Variants in CUX2 observed in about 807,000 individuals in gnomAD.
CUX2 encodes homeobox protein cut-like 2.
A neutral mutation model predicts 144.8 loss-of-function variants in CUX2; 40 were observed. The observed-to-expected ratio is 0.28, with a 90% CI of 0.21 to 0.36. The LOEUF (loss-of-function observed/expected upper bound fraction) is 0.36. CUX2 is among the 10% of genes least tolerant of loss of function. The pLI is 1.00. For missense variants in CUX2, 1,615 were observed against 1,994.0 expected (o/e 0.81, Z 3.62); for synonymous variants, 827 against 875.6 (o/e 0.94, Z 0.98).
At chr12:111,218,532 T>A (rs1881677777) in intron 3 of CUX2, among the ~76,000 whole-genome samples, 1 of 152,022 alleles carries the variant, frequency 6.6e-6, no homozygotes, top group African/African-American at 2.4e-5. Context: ...AATAAAAAAA[T>A]AAAATTTAAG....
At chr12:111,298,503 C>T (rs750342664) in intron 8 of CUX2, 38 bp from the exon 9 acceptor site, 12 of 1,551,952 alleles carry the variant, frequency 7.7e-6, no homozygotes, top group African/African-American at 4.1e-5. Flanking sequence ...TGGAGCCCGC[C>T]GGAAGCCCTT....
intron 1 of CUX2, among the ~76,000 whole-genome samples, chr12:111,152,280 G>A (rs1168674048): frequency 1.3e-5 from 2 of 150,572 alleles, no homozygotes; most frequent in African/African-American, 5.0e-5. Flanking sequence ...GCAAGACTCT[G>A]TCTCAAAAAA....
At chr12:111,250,974 G>T (rs1474086126) in intron 3 of CUX2, among the ~76,000 whole-genome samples, 2 of 152,084 alleles carry the variant, frequency 1.3e-5, no homozygotes, top group East Asian at 3.9e-4. Flanking sequence ...AATTGATACT[G>T]CAGCTTTCGG....
intron 3 of CUX2, among the ~76,000 whole-genome samples, chr12:111,252,558 C>T (rs1172057017): frequency 6.6e-6 from 1 of 152,120 alleles, no homozygotes; most frequent in East Asian, 1.9e-4. Flanking sequence ...ACTAGGAGGG[C>T]ATCATTCTCC....
chr12:111,204,670 C>T lies in CUX2; in HGVS notation c.64-9530C>T, dbSNP rs75128862. On this transcript the variant is annotated intron_variant, in intron 1 of 21. Coordinates refer to ENST00000261726, the MANE Select transcript of CUX2 (RefSeq NM_015267.4). ...GGTACCGTGCATCAGATGACACCTG[C>T]ATCCTAAGACCCTTCATTGGCTCCC... Among the ~76,000 whole-genome samples the T allele has an allele frequency of 6.8e-3, 1,039 of 152,330 alleles. 16 individuals carry two copies. Among genetic ancestry groups the T allele is most frequent in the African/African-American group, 0.024 (994 of 41,568 alleles).
At position 111,320,199 on chromosome 12, in the gene CUX2, G is replaced by T. The variant is rs1035470321; in HGVS notation, c.2190G>T (p.Arg730=). ...CGGTGCCCCCCTCGCCCCCGGAGCG[G>T]CCATCACTGGCCACCGCGAGCCAGA... The part of the protein sequence containing the change: ...GRSVPPSPPE[R]PSLATASQNG... The change falls in exon 17 of 22, where the codon CGG becomes CGT. Residue 730 remains arginine (R), a synonymous_variant. Transcript: ENST00000261726. The surrounding 1 kb of genome is among the most constrained non-coding windows in gnomAD (Gnocchi z 8.1). 31 of 1,537,196 alleles carry T rather than the reference G, an allele frequency of 2.0e-5. No individual in the cohort carries two copies. The Admixed American group carries it at 3.8e-4, about 19-fold the overall frequency.
chr12:111,320,326 C>T lies in CUX2; in HGVS notation c.2317C>T (p.Arg773Cys), dbSNP rs868782931. ...SPAAFVQSII[R>C]KVKSEIGDAG... is the part of the protein sequence containing the mutation. ...CGCCGCCTTCGTGCAGAGCATCATC[C>T]GCAAGGTCAAGTCCGAGATCGGCGA... The change falls in exon 17 of 22, where the codon CGC (arginine) becomes TGC (cysteine). Residue 773 changes from arginine (R) to cysteine (C), a missense_variant. By Grantham distance (180) the Arg-to-Cys change is radical (BLOSUM62 -3). Around this residue, in one of 12 missense-constraint regions of CUX2, gnomAD observed 390 missense variants for 387.1 expected, o/e 1.01. Transcript: ENST00000261726. This position sits in a 1 kb window ranked among gnomAD's most constrained non-coding sequence, Gnocchi z 8.1. The T allele has an allele frequency of 3.1e-6, 5 of 1,598,156 alleles. No individual in the cohort carries two copies. Among genetic ancestry groups the T allele is most frequent in the Middle Eastern group, 1.7e-4 (1 of 6,052 alleles).
intron 1 of CUX2, among the ~76,000 whole-genome samples, chr12:111,073,352 G>A (rs1465663102): frequency 6.6e-6 from 1 of 152,106 alleles, no homozygotes; most frequent in Non-Finnish European, 1.5e-5. Context: ...TGTCATTGCT[G>A]TGTAGCATTC....
intron 1 of CUX2, among the ~76,000 whole-genome samples, chr12:111,176,594 T>C (rs1462375893): frequency 6.6e-6 from 1 of 152,188 alleles, no homozygotes. Context: ...CTGGGGACTT[T>C]ATTCAGTGCC....
At chr12:111,081,742 C>T (rs1289820735) in intron 1 of CUX2, among the ~76,000 whole-genome samples, 1 of 152,168 alleles carries the variant, frequency 6.6e-6, no homozygotes. Context: ...TGGTGACCAG[C>T]CACTGTCCAC....
At chr12:111,203,556 A>G (rs953457191) in intron 1 of CUX2, among the ~76,000 whole-genome samples, 5 of 151,522 alleles carry the variant, frequency 3.3e-5, no homozygotes, top group South Asian at 4.2e-4. Flanking sequence ...AAAAAAAAAA[A>G]AAAGAAAAAA....
At chr12:111,169,391 C>T (rs111921649) in intron 1 of CUX2, among the ~76,000 whole-genome samples, 1,525 of 152,322 alleles carry the variant, frequency 0.01, 29 homozygotes, top group African/African-American at 0.035. Flanking sequence ...TTGTTTTAAA[C>T]TCCCCTAGTT....
At chr12:111,241,671 C>G (rs137954324) in intron 3 of CUX2, among the ~76,000 whole-genome samples, 5 of 152,278 alleles carry the variant, frequency 3.3e-5, no homozygotes, top group African/African-American at 1.2e-4. Context: ...TGTAGACATC[C>G]CACGTTGGCC....
Position 111,306,753 on chromosome 12 carries a change from T to C in CUX2, c.859-168T>C, listed in dbSNP as rs143391315. On this transcript the variant is annotated intron_variant, in intron 10 of 21. Transcript: ENST00000261726. ...GTAACTTAATACATAAGGAAAAGTG[T>C]ACAAGTCATAAGTATACAACACTTT... 2.9e-4 allele frequency among the ~76,000 whole-genome samples: 44 copies of C among 152,322 alleles called. 1 individual carries two copies. The highest frequency in any genetic ancestry group is 1.0e-3 in the African/African-American group (43 of 41,588).
intron 3 of CUX2, among the ~76,000 whole-genome samples, chr12:111,249,921 G>T (rs796305133): frequency 6.6e-6 from 1 of 152,216 alleles, no homozygotes; most frequent in Non-Finnish European, 1.5e-5. Context: ...CCAGTGTCAA[G>T]ACACAATTAT....
At position 111,295,018 on chromosome 12, in the gene CUX2, C is replaced by T. The variant is rs1885898237; in HGVS notation, c.561-315C>T. ...CACTGAGCATGCTTCACAGTACCCCCTGAGGCAGACCCTATCAGAAACCTC... is the reference window on the plus strand; with the variant it reads ...CACTGAGCATGCTTCACAGTACCCCTTGAGGCAGACCCTATCAGAAACCTC... On this transcript the variant is annotated intron_variant, in intron 6 of 21. Transcript: ENST00000261726. This position sits in a 1 kb window ranked among gnomAD's most constrained non-coding sequence, Gnocchi z 5.0. 6.6e-6 allele frequency among the ~76,000 whole-genome samples: 1 copy of T among 152,166 alleles called. No homozygotes were observed.
At chr12:111,072,504 A>G (rs1253086349) in intron 1 of CUX2, among the ~76,000 whole-genome samples, 4 of 152,266 alleles carry the variant, frequency 2.6e-5, no homozygotes, top group Middle Eastern at 3.4e-3. Flanking sequence ...GCTGATTGCA[A>G]TATCTACCTC....
intron 18 of CUX2, among the ~76,000 whole-genome samples, chr12:111,323,004 C>A (rs1887608349): frequency 1.3e-5 from 2 of 152,330 alleles, no homozygotes; most frequent in South Asian, 4.1e-4. Flanking sequence ...CCCAGCTGCC[C>A]ATGATAGCAC....
intron 1 of CUX2, among the ~76,000 whole-genome samples, chr12:111,152,013 G>A (rs1368158795): frequency 2.0e-5 from 3 of 152,150 alleles, no homozygotes; most frequent in Non-Finnish European, 4.4e-5. Flanking sequence ...AGGCCGGTGC[G>A]ATGGCTCACA....
Sources: gnomAD v4.1 joint callset for allele counts (sites outside exome capture counted in the v4.1 genomes callset) on GRCh38, gnomAD v4.1.1 for gene constraint, gnomAD v4.1.1 regional missense constraint, Gnocchi (gnomAD v3.1) non-coding constraint, MANE v1.5 for transcripts, NCBI Gene and HGNC (gene_info 2026-07-23, HGNC 2026-07-21) for gene names.